Variants in ACYP2 observed in about 807,000 individuals in gnomAD.
ACYP2 encodes acylphosphatase-2.
A neutral mutation model predicts 11.2 loss-of-function variants in ACYP2; 12 were observed. That is an observed-to-expected ratio of 1.08 (90% CI 0.69 to 1.74). ACYP2 has a LOEUF of 1.74. Among genes scored for constraint, ACYP2 ranks in the 40% most tolerant of loss-of-function variants. The pLI is 0.00. For missense variants in ACYP2, 134 were observed against 101.9 expected (o/e 1.31, Z -1.35); for synonymous variants, 43 against 32.2 (o/e 1.33, Z -1.13).
chr2:54,075,745 C>T (rs1331017575), intron 4 of ACYP2, among the ~76,000 whole-genome samples: 1 of 151,480 alleles, frequency 6.6e-6, no homozygotes, highest in Admixed American at 6.6e-5. Flanking sequence ...CCTGGGAGGC[C>T]GAGGTTGCAG....
chr2:53,972,617 AAG>A (rs1445140623), intron 1 of ACYP2, among the ~76,000 whole-genome samples: 1 of 152,090 alleles, frequency 6.6e-6, no homozygotes, highest in Non-Finnish European at 1.5e-5. Flanking sequence ...AAAAAAAAAA[AAG>A]AGTCACTCTG....
intron 4 of ACYP2, among the ~76,000 whole-genome samples, chr2:54,119,990 A>G (rs1680050433): frequency 6.6e-6 from 1 of 152,192 alleles, no homozygotes; most frequent in Admixed American, 6.5e-5. Context: ...TATTTTTGTT[A>G]TGATAAGACT....
chr2:54,055,562 A>G (rs890338899), intron 3 of ACYP2, among the ~76,000 whole-genome samples: 3 of 152,224 alleles, frequency 2.0e-5, no homozygotes, highest in African/African-American at 7.2e-5. Flanking sequence ...CCTATTTTAC[A>G]AATAGAAAAT....
intron 4 of ACYP2, among the ~76,000 whole-genome samples, chr2:54,067,460 G>GA (rs993189322): frequency 4.6e-5 from 7 of 152,036 alleles, no homozygotes; most frequent in African/African-American, 1.7e-4. Flanking sequence ...ACCATTTATG[G>GA]AAAAAAATGT....
At chr2:54,097,387 C>G (rs957307349) in intron 4 of ACYP2, among the ~76,000 whole-genome samples, 2 of 152,238 alleles carry the variant, frequency 1.3e-5, no homozygotes. Context: ...CATTGCAGGA[C>G]TCAGTAAGTA....
intron 3 of ACYP2, chr2:54,051,349 A>G (rs1165134632): frequency 3.9e-6 from 3 of 762,412 alleles, no homozygotes; most frequent in Non-Finnish European, 7.2e-6. Context: ...GTGCTCAGAG[A>G]GGTGGAAGAC....
In ACYP2 at chr2:54,095,180, T is replaced by G. The variant is rs917421031; in HGVS notation, c.277+37820T>G. ...TAACCCTGAGTGGACACAGCACATG[T>G]TTCAGAGAGCACAGGGTTGGGGGTA... is the stretch of plus-strand genomic sequence containing the variant. On this transcript the variant is annotated intron_variant, in intron 4 of 6. Coordinates refer to ENST00000607452, the MANE Select transcript of ACYP2 (RefSeq NM_001320586.2). Among the ~76,000 whole-genome samples, 6 of 152,282 alleles carry G rather than the reference T, an allele frequency of 3.9e-5. No individual in the cohort carries two copies. The East Asian group carries it at 5.8e-4, about 15-fold the overall frequency.
chr2:54,111,055 T>C (rs948029527), intron 4 of ACYP2, among the ~76,000 whole-genome samples: 4 of 152,090 alleles, frequency 2.6e-5, no homozygotes, highest in African/African-American at 4.8e-5. Context: ...CCCACCCAGA[T>C]GGCCTTCTTG....
intron 2 of ACYP2, among the ~76,000 whole-genome samples, chr2:54,005,729 TTTACAGTAAAGTC>T (rs1195507890): frequency 7.2e-5 from 11 of 152,224 alleles, no homozygotes; most frequent in African/African-American, 2.7e-4. Flanking sequence ...TCACTGTAGC[TTTACAGTAAAGTC>T]TTGAAATCAG....
chr2:54,261,108 C>A (rs1284965080), intron 6 of ACYP2, among the ~76,000 whole-genome samples: 1 of 152,142 alleles, frequency 6.6e-6, no homozygotes, highest in Non-Finnish European at 1.5e-5. Flanking sequence ...CAAGGGTACA[C>A]ATACATTAGG....
chr2:54,243,320 C>A (rs1325219999), intron 6 of ACYP2, among the ~76,000 whole-genome samples: 1 of 152,026 alleles, frequency 6.6e-6, no homozygotes, highest in East Asian at 1.9e-4. Flanking sequence ...GCCTATTGCT[C>A]CTATTTTACA....
intron 6 of ACYP2, chr2:54,255,727 A>G: frequency 6.2e-7 from 1 of 1,613,892 alleles, no homozygotes; most frequent in Middle Eastern, 1.6e-4. Context: ...CCCCTCTGCA[A>G]TCACTTCAGA....
intron 2 of ACYP2, among the ~76,000 whole-genome samples, chr2:53,998,961 A>G (rs1390090378): frequency 6.6e-6 from 1 of 152,094 alleles, no homozygotes; most frequent in African/African-American, 2.4e-5. Flanking sequence ...GAGGGATCCC[A>G]CGGCCACTGT....
At chr2:54,175,265 G>A (rs1449519359) in intron 6 of ACYP2, among the ~76,000 whole-genome samples, 4 of 152,118 alleles carry the variant, frequency 2.6e-5, no homozygotes, top group South Asian at 4.1e-4. Flanking sequence ...TTGGGAGGGT[G>A]TATGTGTCGA....
chr2:54,199,092 C>T (rs943871984), intron 6 of ACYP2, among the ~76,000 whole-genome samples: 18 of 152,170 alleles, frequency 1.2e-4, no homozygotes, highest in Non-Finnish European at 1.6e-4. Flanking sequence ...TCTCAGAACA[C>T]CATTGCCTTT....
At chr2:53,971,805 G>T (rs1236046829) in intron 1 of ACYP2, among the ~76,000 whole-genome samples, 1 of 151,848 alleles carries the variant, frequency 6.6e-6, no homozygotes, top group Non-Finnish European at 1.5e-5. Context: ...TTAGAAAAAG[G>T]AGGGAGGAGG....
At chr2:54,013,220 TG>T (rs1379701003) in intron 2 of ACYP2, among the ~76,000 whole-genome samples, 4 of 125,724 alleles carry the variant, frequency 3.2e-5, no homozygotes, top group African/African-American at 1.2e-4. Flanking sequence ...TCCCCTGCCA[TG>T]TTTTGGTCAA....
At chr2:54,121,466 T>C (rs780887726) in intron 4 of ACYP2, among the ~76,000 whole-genome samples, 6 of 152,206 alleles carry the variant, frequency 3.9e-5, no homozygotes, top group Non-Finnish European at 8.8e-5. Flanking sequence ...ACCGAGGAAT[T>C]TGTCTGTTTC....
chr2:54,231,868 A>G (rs561454785), intron 6 of ACYP2, among the ~76,000 whole-genome samples: 1 of 152,346 alleles, frequency 6.6e-6, no homozygotes, highest in Admixed American at 6.5e-5. Context: ...CTTGGAGCAT[A>G]TCGGGCGCTG....
Sources: gnomAD v4.1 joint callset for allele counts (sites outside exome capture counted in the v4.1 genomes callset) on GRCh38, gnomAD v4.1.1 for gene constraint, MANE v1.5 for transcripts, NCBI Gene and HGNC (gene_info 2026-07-23, HGNC 2026-07-21) for gene names.